Variants in BCLAF3 observed in about 807,000 individuals in gnomAD.
BCLAF3 encodes transient octamer binding factor 1.
A neutral mutation model predicts 51.2 loss-of-function variants in BCLAF3; 24 were observed. That is an observed-to-expected ratio of 0.47 (90% confidence interval 0.34 to 0.66). The LOEUF (loss-of-function observed/expected upper bound fraction) is 0.66. Ranked by LOEUF, BCLAF3 falls within the 30% of genes least tolerant of loss-of-function variation. BCLAF3 has a pLI of 0.01. For missense variants in BCLAF3, 465 were observed against 525.1 expected (o/e 0.89, Z 1.12); for synonymous variants, 152 against 176.6 (o/e 0.86, Z 1.10).
intron 1 of BCLAF3, among the ~76,000 whole-genome samples, chrX:19,988,163 G>C (rs2072863440): frequency 8.9e-6 from 1 of 112,177 alleles, no homozygotes; most frequent in African/African-American, 3.2e-5. Flanking sequence ...AGGGCACAAA[G>C]ACCATGTTTT....
chrX:19,937,465 G>C lies in BCLAF3; in HGVS notation c.1813C>G (p.His605Asp). Residue 605 changes from histidine (H) to aspartate (D), a missense_variant, in exon 9 of 12, where the codon CAT becomes GAT. By Grantham distance (81) the His-to-Asp change is moderately conservative (BLOSUM62 -1). Transcript: ENST00000379682. The stretch of plus-strand genomic sequence containing the variant: ...TTTCTAAAATTTGATTTTATAAAAT[G>C]TGTGGGTTTTTGGAATCCATCAGTA... ...VHTDGFQKPT[H>D]FIKSNFRKCI... The C allele has an allele frequency of 8.4e-7, 1 of 1,185,288 alleles. No homozygotes were observed. Among genetic ancestry groups the C allele is most frequent in the South Asian group, 1.8e-5 (1 of 54,758 alleles).
In BCLAF3 at chrX:19,990,513, G is replaced by A. The variant is rs886502711; in HGVS notation, c.-35+395C>T. Reference sequence around the variant, plus strand: ...CCCCGCAGGCGACGCGTCCAGGGCCGCCTCGAGGACAAGGGCACCGTCCCC... The same window carrying A: ...CCCCGCAGGCGACGCGTCCAGGGCCACCTCGAGGACAAGGGCACCGTCCCC... On this transcript the variant is annotated intron_variant, in intron 1 of 11. Transcript: ENST00000379682. 3.5e-5 allele frequency among the ~76,000 whole-genome samples: 4 copies of A among 113,732 alleles called. No homozygotes were observed. In the South Asian group the frequency reaches 1.4e-3, roughly 40 times the overall value.
intron 1 of BCLAF3, among the ~76,000 whole-genome samples, chrX:19,983,701 T>C (rs141406629): frequency 0.022 from 2,295 of 103,861 alleles, 76 homozygotes; most frequent in African/African-American, 0.077. Context: ...GGAAAGAGAG[T>C]GAGACACAGT....
chrX:19,920,119 C>T (rs1473946167), intron 11 of BCLAF3, among the ~76,000 whole-genome samples: 1 of 111,211 alleles, frequency 9.0e-6, no homozygotes, highest in Non-Finnish European at 1.9e-5. Flanking sequence ...GATCAGCCCC[C>T]AGTAGAAACT....
At chrX:19,940,377 C>G (rs1265221926) in intron 8 of BCLAF3, among the ~76,000 whole-genome samples, 2 of 110,015 alleles carry the variant, frequency 1.8e-5, no homozygotes, top group East Asian at 5.6e-4. Flanking sequence ...GCTGCACCCA[C>G]TAACTCATCA....
In BCLAF3 at chrX:19,950,761, A is replaced by C. The variant is rs1207895981; in HGVS notation, c.1737T>G (p.Ala579=). Residue 579 remains alanine (A), a synonymous_variant, in exon 8 of 12, where the codon GCT becomes GCG. Coordinates refer to ENST00000379682, the MANE Select transcript of BCLAF3 (RefSeq NM_001367774.2). ...EDEHIFHIAS[A]AERDDQNSSF... is the part of the protein sequence containing the mutation. ...TGTCATCTACTGATTACCTCTCTGC[A>C]GCACTAGCTATGTGAAAAATGTGCT... is the stretch of plus-strand genomic sequence containing the variant. The C allele has an allele frequency of 1.7e-6, 2 of 1,198,361 alleles. No homozygotes were observed. Among genetic ancestry groups the C allele is most frequent in the African/African-American group, 1.8e-5 (1 of 57,115 alleles).
In BCLAF3 at chrX:19,916,171, C is replaced by G. The variant is rs928912262; in HGVS notation, c.*1134G>C. On this transcript the variant is annotated 3_prime_UTR_variant, in exon 12 of 12. Transcript: ENST00000379682. The stretch of plus-strand genomic sequence containing the variant: ...TGTAAGCACAGAACAGTGCTTTAAA[C>G]ACTGTTTAAACAGAGGTGCTATCCA... 5.3e-5 allele frequency: 6 copies of G among 112,685 alleles called. No homozygotes were observed. Among genetic ancestry groups the G allele is most frequent in the Admixed American group, 9.4e-5 (1 of 10,588 alleles). 9.3% of individuals were successfully genotyped at this position (112,685 alleles called of 1,213,427 possible).
intron 11 of BCLAF3, 45 bp from the exon 12 acceptor site, chrX:19,917,379 C>T (rs1456238770): frequency 2.8e-6 from 3 of 1,070,228 alleles, no homozygotes; most frequent in Non-Finnish European, 2.6e-6. Context: ...AACAAAGTGT[C>T]AAACATCTGA....
intron 1 of BCLAF3, among the ~76,000 whole-genome samples, chrX:19,971,755 A>G (rs1333493503): frequency 3.6e-5 from 4 of 111,905 alleles, no homozygotes; most frequent in Non-Finnish European, 7.5e-5. Context: ...ATGAATTATC[A>G]TATAGCTACC....
At chrX:19,967,331 G>A (rs2072091733) in intron 2 of BCLAF3, among the ~76,000 whole-genome samples, 1 of 111,792 alleles carries the variant, frequency 8.9e-6, no homozygotes, top group East Asian at 2.8e-4. Flanking sequence ...CTCTAACATA[G>A]GTAAGTTGCT....
At position 19,965,678 on chromosome X, in the gene BCLAF3, A is replaced by G; in HGVS notation, c.640T>C (p.Tyr214His). The change falls in exon 4 of 12, where the codon TAT becomes CAT. Residue 214 changes from tyrosine (Y) to histidine (H), a missense_variant. By Grantham distance (83) the Tyr-to-His change is moderately conservative (BLOSUM62 2). Transcript: ENST00000379682. The part of the protein sequence containing the change: ...RYPEDRDFRK[Y>H]GHTSKRPKDV... The stretch of plus-strand genomic sequence containing the variant: ...TTAGGTCTTTTTGATGTGTGTCCAT[A>G]TTTTCTGAAATCACGATCCTCAGGA... 1 of 1,134,919 alleles carries G rather than the reference A, an allele frequency of 8.8e-7. No homozygotes were observed. The highest frequency in any genetic ancestry group is 1.2e-6 in the Non-Finnish European group (1 of 861,005). The allele number at this position is 1,134,919 out of a possible 1,213,427, so 93.5% of individuals were successfully genotyped here. A position where few individuals can be genotyped will look rare whatever the true frequency, so the allele number is the denominator to read the frequency against.
intron 1 of BCLAF3, among the ~76,000 whole-genome samples, chrX:19,977,612 G>A (rs1266045674): frequency 8.9e-6 from 1 of 112,534 alleles, no homozygotes; most frequent in Non-Finnish European, 1.9e-5. Context: ...AGAAGCCATC[G>A]CCATAACATA....
intron 8 of BCLAF3, among the ~76,000 whole-genome samples, chrX:19,945,009 C>A (rs1309340385): frequency 9.4e-6 from 1 of 105,953 alleles, no homozygotes; most frequent in African/African-American, 3.5e-5. Flanking sequence ...TCCCTTCACG[C>A]TTCATTTCAT....
At chrX:19,986,349 G>A (rs746881987) in intron 1 of BCLAF3, among the ~76,000 whole-genome samples, 5 of 112,172 alleles carry the variant, frequency 4.5e-5, no homozygotes, top group Admixed American at 3.8e-4. Flanking sequence ...ATGAAAAAGC[G>A]TCAGGCCCAG....
chrX:19,966,699 G>A (rs765377009), intron 2 of BCLAF3, 50 bp from the exon 3 acceptor site: 1 of 1,060,214 alleles, frequency 9.4e-7, no homozygotes, highest in African/African-American at 1.8e-5. Flanking sequence ...AACTAAGCGT[G>A]TCTCAATATG....
chrX:19,976,335 T>C (rs1201143690), intron 1 of BCLAF3, among the ~76,000 whole-genome samples: 2 of 112,271 alleles, frequency 1.8e-5, no homozygotes, highest in Admixed American at 9.4e-5. Context: ...CTCATGAGAT[T>C]TGCAAAAATT....
At chrX:19,989,082 T>C (rs1340539083) in intron 1 of BCLAF3, among the ~76,000 whole-genome samples, 1 of 109,241 alleles carries the variant, frequency 9.2e-6, no homozygotes, top group Non-Finnish European at 1.9e-5. Flanking sequence ...AGATTGTTGG[T>C]AGGAGTGCAA....
chrX:19,954,027 T>G, intron 5 of BCLAF3, 135 bp from the exon 6 acceptor site: 1 of 1,044,365 alleles, frequency 9.6e-7, no homozygotes, highest in Middle Eastern at 3.9e-4. Flanking sequence ...GGACCCAAAC[T>G]TATTTCACAG....
rs377366733 is a variant in BCLAF3, at chrX:19,955,369, C to T, written c.1450+22G>A. On this transcript the variant is annotated intron_variant, in intron 5 of 11. Coordinates refer to ENST00000379682, the MANE Select transcript of BCLAF3 (RefSeq NM_001367774.2). Reference sequence around the variant, plus strand: ...TATATTACTTTTGTGTTATCCCTAACGTATGTGCAAAATATACCAACCTTT... The same window carrying T: ...TATATTACTTTTGTGTTATCCCTAATGTATGTGCAAAATATACCAACCTTT... 3.0e-4 allele frequency: 346 copies of T among 1,156,033 alleles called. 2 individuals carry two copies. The African/African-American group carries it at 5.6e-3, about 19-fold the overall frequency.
Sources: gnomAD v4.1 joint callset for allele counts (sites outside exome capture counted in the v4.1 genomes callset) on GRCh38, gnomAD v4.1.1 for gene constraint, MANE v1.5 for transcripts, NCBI Gene and HGNC (gene_info 2026-07-23, HGNC 2026-07-21) for gene names.